PPP3CB: variants seen among roughly 807,000 people sequenced by gnomAD.
The protein encoded by PPP3CB is serine/threonine-protein phosphatase 2B catalytic subunit beta isoform.
In PPP3CB, 8 loss-of-function variants were observed where a neutral mutation model predicts 66.4. The ratio of observed to expected loss-of-function variants is 0.12; its 90% CI spans 0.07 to 0.22. The LOEUF (loss-of-function observed/expected upper bound fraction) is 0.22. Among genes scored for constraint, PPP3CB ranks in the 10% least tolerant of loss-of-function variants. The probability of loss-of-function intolerance (pLI) is 1.00; values close to 1 mark genes in which losing one functional copy is unlikely to be tolerated. For missense variants in PPP3CB, 319 were observed against 642.5 expected (o/e 0.50, Z 5.44); for synonymous variants, 208 against 221.2 (o/e 0.94, Z 0.53).
At chr10:73,470,596 G>A in intron 8 of PPP3CB, 91 bp downstream of exon 8, 1 of 744,048 alleles carries the variant, frequency 1.3e-6, no homozygotes, top group Non-Finnish European at 2.1e-6. Context: ...GATACTAATA[G>A]TTTCAAACAA....
chr10:73,471,374 T>C, intron 5 of PPP3CB, 94 bp downstream of exon 5: 1 of 1,403,276 alleles, frequency 7.1e-7, no homozygotes, highest in East Asian at 2.3e-5. Context: ...TACTATTACC[T>C]AATCTTGGCA....
intron 1 of PPP3CB, among the ~76,000 whole-genome samples, chr10:73,487,085 G>C (rs2056991112): frequency 1.3e-5 from 2 of 152,164 alleles, no homozygotes; most frequent in East Asian, 3.8e-4. Flanking sequence ...CACGAGAATT[G>C]CTTGAACCTT....
chr10:73,447,173 C>T (rs2056270794), intron 10 of PPP3CB, among the ~76,000 whole-genome samples: 1 of 152,160 alleles, frequency 6.6e-6, no homozygotes, highest in South Asian at 2.1e-4. Flanking sequence ...CACCAGGTGC[C>T]TAATGTACCA....
intron 1 of PPP3CB, among the ~76,000 whole-genome samples, chr10:73,494,467 G>C (rs2057139366): frequency 6.6e-6 from 1 of 151,660 alleles, no homozygotes; most frequent in Non-Finnish European, 1.5e-5. Flanking sequence ...TTTATTTTTT[G>C]TATTTTTGGT....
chr10:73,472,885 C>T (rs1346293552), intron 4 of PPP3CB, among the ~76,000 whole-genome samples: 1 of 152,114 alleles, frequency 6.6e-6, no homozygotes, highest in Admixed American at 6.5e-5. Context: ...CTTTCATTTG[C>T]TCCTTTACAA....
chr10:73,464,718 G>A (rs2056589754), intron 9 of PPP3CB, among the ~76,000 whole-genome samples: 1 of 152,092 alleles, frequency 6.6e-6, no homozygotes, highest in Non-Finnish European at 1.5e-5. Flanking sequence ...GAGCCCTTGA[G>A]GCCAGGAGTT....
In PPP3CB at chr10:73,474,807, A is replaced by G. The variant is rs1373159015; in HGVS notation, c.523+112T>C. The G allele has an allele frequency of 3.5e-6, 5 of 1,414,048 alleles. No individual in the cohort carries two copies. The East Asian group carries it at 1.3e-4, about 36-fold the overall frequency. 87.6% of individuals were successfully genotyped at this position (1,414,048 alleles called of 1,614,324 possible). A position where few individuals can be genotyped will look rare whatever the true frequency, so the allele number is the denominator to read the frequency against. On this transcript the variant is annotated intron_variant, in intron 4 of 13. Coordinates refer to ENST00000360663, the MANE Select transcript of PPP3CB (RefSeq NM_021132.4). Reference sequence around the variant, plus strand: ...ACTTTCCTCAAAGCTTTATGTGTGGACATGAAATCTGTCCTTACATGTTGC... The same window carrying G: ...ACTTTCCTCAAAGCTTTATGTGTGGGCATGAAATCTGTCCTTACATGTTGC...
intron 1 of PPP3CB, among the ~76,000 whole-genome samples, chr10:73,486,296 T>C (rs900046758): frequency 1.0e-5 from 1 of 97,466 alleles, no homozygotes; most frequent in South Asian, 4.1e-4. Flanking sequence ...GCCAGACTGG[T>C]TTTTTTTTTT....
At chr10:73,481,192 G>C (rs1395439815) in intron 1 of PPP3CB, among the ~76,000 whole-genome samples, 1 of 145,994 alleles carries the variant, frequency 6.8e-6, no homozygotes, top group Non-Finnish European at 1.5e-5. Flanking sequence ...TAGAAAAATA[G>C]GCCGGGTGCA....
At chr10:73,485,956 T>A (rs1258149474) in intron 1 of PPP3CB, among the ~76,000 whole-genome samples, 1 of 102,158 alleles carries the variant, frequency 9.8e-6, no homozygotes, top group African/African-American at 3.8e-5. Context: ...GTGTGTATTT[T>A]TTTTTTTCAG....
chr10:73,489,950 A>G (rs770633396), intron 1 of PPP3CB, among the ~76,000 whole-genome samples: 1 of 152,174 alleles, frequency 6.6e-6, no homozygotes, highest in African/African-American at 2.4e-5. Flanking sequence ...TCAAAGTAAG[A>G]TAGCCAATCC....
At chr10:73,446,393 C>T (rs1225117735) in intron 11 of PPP3CB, 99 bp downstream of exon 11, 1 of 1,137,102 alleles carries the variant, frequency 8.8e-7, no homozygotes, top group African/African-American at 1.5e-5. Context: ...TGCCACCATA[C>T]CCGGCCCCAT....
At chr10:73,485,908 TTG>T (rs57190155) in intron 1 of PPP3CB, among the ~76,000 whole-genome samples, 5,364 of 121,170 alleles carry the variant, frequency 0.044, 131 homozygotes, top group Non-Finnish European at 0.057. Context: ...ACCTGGCTAA[TTG>T]TGTGTGTGTG....
At chr10:73,452,882 T>C (rs576628723) in intron 10 of PPP3CB, among the ~76,000 whole-genome samples, 2 of 152,308 alleles carry the variant, frequency 1.3e-5, no homozygotes, top group South Asian at 4.1e-4. Context: ...TACAGTTACC[T>C]TGTACTTTCA....
chr10:73,493,190 C>A (rs1483194446), intron 1 of PPP3CB, among the ~76,000 whole-genome samples: 1 of 151,580 alleles, frequency 6.6e-6, no homozygotes, highest in Non-Finnish European at 1.5e-5. Context: ...GCAGGAGAAT[C>A]GCTTGAACCC....
At chr10:73,492,665 A>T (rs1057126710) in intron 1 of PPP3CB, among the ~76,000 whole-genome samples, 2 of 152,226 alleles carry the variant, frequency 1.3e-5, no homozygotes, top group Non-Finnish European at 2.9e-5. Context: ...GGTGGGTTAG[A>T]TCAACTTTCA....
At chr10:73,451,747 T>C (rs1466981775) in intron 10 of PPP3CB, among the ~76,000 whole-genome samples, 1 of 146,918 alleles carries the variant, frequency 6.8e-6, no homozygotes, top group Non-Finnish European at 1.5e-5. Context: ...CATCTCTTTT[T>C]TTTTTTTTTT....
intron 1 of PPP3CB, among the ~76,000 whole-genome samples, chr10:73,492,930 T>C (rs1021650315): frequency 6.6e-6 from 1 of 152,164 alleles, no homozygotes; most frequent in African/African-American, 2.4e-5. Flanking sequence ...GACCATAAAA[T>C]GTAGGCCTTA....
At chr10:73,451,191 A>G (rs142871543) in intron 10 of PPP3CB, among the ~76,000 whole-genome samples, 1 of 152,154 alleles carries the variant, frequency 6.6e-6, no homozygotes, top group African/African-American at 2.4e-5. Context: ...AATACTCATA[A>G]TAACTTTTAA....
Sources: allele counts gnomAD v4.1 joint callset (sites outside exome capture counted in the v4.1 genomes callset), GRCh38; gene constraint gnomAD v4.1.1; transcripts MANE v1.5; gene names NCBI Gene and HGNC (gene_info 2026-07-23, HGNC 2026-07-21).